SH3TC1: variants seen among roughly 807,000 people sequenced by gnomAD.
SH3TC1 encodes SH3 domain and tetratricopeptide repeats 1.
Under a neutral mutation model 117.3 loss-of-function variants are expected in SH3TC1, and 135 were observed. The observed-to-expected ratio is 1.15, with a 90% CI of 1.00 to 1.33. SH3TC1 has a LOEUF of 1.33. SH3TC1 is among the 40% of genes most tolerant of loss of function. The pLI is 0.00. For synonymous variants in SH3TC1, 898 were observed against 816.9 expected (o/e 1.10, Z -1.69); for missense variants, 2,092 against 1,794.3 (o/e 1.17, Z -3.00).
Position 8,216,264 on chromosome 4 carries a change from G to A in SH3TC1, c.628+7G>A, listed in dbSNP as rs183071768. Reference sequence around the variant, plus strand: ...AGCCTCCTCATCCAAGAAGGTGAGCGTTGCATGGGGTGATGGCCGAGATCC... The same window carrying A: ...AGCCTCCTCATCCAAGAAGGTGAGCATTGCATGGGGTGATGGCCGAGATCC... On this transcript the variant is annotated splice_region_variant and intron_variant, in intron 6 of 17. Coordinates refer to ENST00000245105, the MANE Select transcript of SH3TC1 (RefSeq NM_018986.5). 1.3e-4 allele frequency: 206 copies of A among 1,611,754 alleles called. 1 individual carries two copies. In the African/African-American group the frequency reaches 1.7e-3, roughly 14 times the overall value.
In SH3TC1 at chr4:8,227,060, TGCCCAGGCTGCCCCCAGGAGCCAGC is replaced by T; in HGVS notation, c.1368_1392del (p.Cys459ValfsTer9). 1 of 1,606,880 alleles carries T rather than the reference TGCCCAGGCTGCCCCCAGGAGCCAGC, an allele frequency of 6.2e-7. No homozygotes were observed. The highest frequency in any genetic ancestry group is 1.1e-5 in the South Asian group (1 of 90,418). ...GAATGTTCTGGAACAATGCAAGACCTGCCCAGGCTGCCCCCAGGAGCCAGCGTCCTGGGGTCTCTGTGCGGCATCC... is the reference window on the plus strand; with the variant it reads ...GAATGTTCTGGAACAATGCAAGACCTGTCCTGGGGTCTCTGTGCGGCATCC... On this transcript the variant is annotated frameshift_variant, in exon 12 of 18. Transcript: ENST00000245105. LOFTEE classifies it high-confidence loss of function.
chr4:8,184,464 C>G (rs537791291), intron 1 of SH3TC1, among the ~76,000 whole-genome samples: 1 of 152,220 alleles, frequency 6.6e-6, no homozygotes, highest in Non-Finnish European at 1.5e-5. Context: ...ACTGCAGCCT[C>G]GACCTCCCTG....
At chr4:8,196,752 G>A (rs1011402113), upstream of SH3TC1, among the ~76,000 whole-genome samples, 2 of 152,114 alleles carry the variant, frequency 1.3e-5, no homozygotes, top group Non-Finnish European at 2.9e-5. This position sits in a 1 kb window ranked among gnomAD's most constrained non-coding sequence, Gnocchi z 4.6. Flanking sequence ...GCTGGCAGGT[G>A]TCTGCAAGGA....
At position 8,236,442 on chromosome 4, in the gene SH3TC1, G is replaced by A; in HGVS notation, c.3556+14G>A. 2 of 1,431,064 alleles carry A rather than the reference G, an allele frequency of 1.4e-6. No individual in the cohort carries two copies. The highest frequency in any genetic ancestry group is 1.8e-6 in the Non-Finnish European group (2 of 1,084,122). 88.6% of individuals were successfully genotyped at this position (1,431,064 alleles called of 1,614,324 possible). A position where few individuals can be genotyped will look rare whatever the true frequency, so the allele number is the denominator to read the frequency against. On this transcript the variant is annotated intron_variant, in intron 16 of 17. Coordinates refer to ENST00000245105, the MANE Select transcript of SH3TC1 (RefSeq NM_018986.5). ...GCATCACCCTGGGTAAGCCCCCTGA[G>A]CCCCTGCCCTGCCAGGACCCACACT...
At chr4:8,222,361 GTTTTTTTTTTTTTT>G (rs5856006) in intron 9 of SH3TC1, among the ~76,000 whole-genome samples, 187 of 40,328 alleles carry the variant, frequency 4.6e-3, no homozygotes, top group African/African-American at 0.017. Context: ...TCAGGATCTG[GTTTTTTTTTTTTTT>G]TTTTTTTTTT....
In SH3TC1 at chr4:8,217,108, C is replaced by A. The variant is rs771953645; in HGVS notation, c.780C>A (p.Ser260Arg). The stretch of plus-strand genomic sequence containing the variant: ...CAGACTCTTCACCGCCGAGCCCCAG[C>A]GTGTCCTCCGAGGAGGTGGCAGTGG... Reference protein sequence around the residue: ...PETDSSPPSPSVSSEEVAVAA... With the variant: ...PETDSSPPSPRVSSEEVAVAA... Residue 260 changes from serine to arginine, a missense_variant, in exon 7 of 18, where the codon AGC becomes AGA. Ser to Arg is a moderately radical substitution (Grantham distance 110, BLOSUM62 -1). Coordinates refer to ENST00000245105, the MANE Select transcript of SH3TC1 (RefSeq NM_018986.5). The A allele has an allele frequency of 1.9e-6, 3 of 1,613,528 alleles. No individual in the cohort carries two copies. The highest frequency in any genetic ancestry group is 2.2e-5 in the East Asian group (1 of 44,894).
At position 8,228,163 on chromosome 4, in the gene SH3TC1, C is replaced by T. The variant is rs373685744; in HGVS notation, c.2469C>T (p.Ala823=). ...VEASAIAGVR[A]IVDHLVALAW... is the part of the protein sequence containing the mutation. ...CCAGTGCTATTGCCGGAGTCCGTGC[C>T]ATCGTGGACCACCTGGTGGCCCTGG... The change falls in exon 12 of 18, where the codon GCC becomes GCT. Residue 823 remains alanine, a synonymous_variant. Coordinates refer to ENST00000245105, the MANE Select transcript of SH3TC1 (RefSeq NM_018986.5). 6 of 1,611,914 alleles carry T rather than the reference C, an allele frequency of 3.7e-6. No homozygotes were observed. Among genetic ancestry groups the T allele is most frequent in the Non-Finnish European group, 5.1e-6 (6 of 1,179,170 alleles).
At position 8,212,691 on chromosome 4, in the gene SH3TC1, G is replaced by T. The variant is rs1457620913; in HGVS notation, c.248-10G>T. ...CAGACCAACTGCCCAACCTCCGTCT[G>T]CCCCTCCAGACCTGACCCTGCAGCT... On this transcript the variant is annotated splice_polypyrimidine_tract_variant and intron_variant, in intron 3 of 17. Transcript: ENST00000245105. The T allele has an allele frequency of 6.2e-7, 1 of 1,612,814 alleles. No individual in the cohort carries two copies. Among genetic ancestry groups the T allele is most frequent in the Non-Finnish European group, 8.5e-7 (1 of 1,179,910 alleles).
rs79152812 is a variant in SH3TC1 at position 8,236,431 on chromosome 4, A to G, written c.3556+3A>G. ...CCTAGCACTCAGCATCACCCTGGGT[A>G]AGCCCCCTGAGCCCCTGCCCTGCCA... On this transcript the variant is annotated splice_donor_region_variant and intron_variant, in intron 16 of 17. Coordinates refer to ENST00000245105, the MANE Select transcript of SH3TC1 (RefSeq NM_018986.5). The G allele has an allele frequency of 3.6e-3, 5,293 of 1,455,434 alleles. 156 individuals carry two copies. The African/African-American group carries it at 0.069, about 19-fold the overall frequency. The allele number at this position is 1,455,434 out of a possible 1,614,324, so 90.2% of individuals were successfully genotyped here.
chr4:8,216,063 C>T (rs771157387), intron 5 of SH3TC1, 48 bp from the exon 6 acceptor site: 1 of 1,603,768 alleles, frequency 6.2e-7, no homozygotes, highest in Non-Finnish European at 8.5e-7. Context: ...TCCCTGCCTC[C>T]CTGCCCCTCT....
chr4:8,235,433 G>T lies in SH3TC1; in HGVS notation c.3283G>T (p.Val1095Leu), dbSNP rs780989980. ...QSELVDLYIQ[V>L]AQNVALYTGD... ...TGAGGGAACTTCTGCCTCCTTTCAGGTGGCACAGAACGTGGCCCTGTACAC... is the reference window on the plus strand; with the variant it reads ...TGAGGGAACTTCTGCCTCCTTTCAGTTGGCACAGAACGTGGCCCTGTACAC... Residue 1095 changes from valine (V) to leucine (L), a missense_variant and splice_region_variant, in exon 15 of 18, where the codon GTG becomes TTG. Coordinates refer to ENST00000245105, the MANE Select transcript of SH3TC1 (RefSeq NM_018986.5). The T allele has an allele frequency of 1.9e-5, 29 of 1,506,354 alleles. No individual in the cohort carries two copies. The South Asian group carries it at 3.8e-4, about 20-fold the overall frequency. The allele number at this position is 1,506,354 out of a possible 1,614,324, so 93.3% of individuals were successfully genotyped here.
rs1718866841 is a variant in SH3TC1 at position 8,212,764 on chromosome 4, A to C, written c.311A>C (p.Gln104Pro). 4 of 1,612,398 alleles carry C rather than the reference A, an allele frequency of 2.5e-6. No individual in the cohort carries two copies. Among genetic ancestry groups the C allele is most frequent in the Non-Finnish European group, 3.4e-6 (4 of 1,179,746 alleles). The change falls in exon 4 of 18, where the codon CAG becomes CCG. Residue 104 changes from glutamine (Q) to proline (P), a missense_variant. Coordinates refer to ENST00000245105, the MANE Select transcript of SH3TC1 (RefSeq NM_018986.5). ...AGACTGCGGGACCCCGGCCTACAGCAGACCCTCCGGGGCCAGCTCCGCCTG... is the reference window on the plus strand; with the variant it reads ...AGACTGCGGGACCCCGGCCTACAGCCGACCCTCCGGGGCCAGCTCCGCCTG... ...KSRLRDPGLQ[Q>P]TLRGQLRLLE...
chr4:8,208,302 A>G (rs959143004), intron 2 of SH3TC1, among the ~76,000 whole-genome samples: 1 of 151,994 alleles, frequency 6.6e-6, no homozygotes, highest in African/African-American at 2.4e-5. Context: ...TACCGCTGTC[A>G]GGTGCATCGG....
At chr4:8,216,865 C>A in intron 6 of SH3TC1, 92 bp from the exon 7 acceptor site, 1 of 1,338,440 alleles carries the variant, frequency 7.5e-7, no homozygotes, top group Non-Finnish European at 1.1e-6. Context: ...GTGGGTGTTG[C>A]CTTCGTTGTC....
intron 10 of SH3TC1, chr4:8,224,464 G>C (rs1015933001): frequency 4.6e-5 from 7 of 152,400 alleles, no homozygotes; most frequent in African/African-American, 1.7e-4. Flanking sequence ...CAGGGTGCAG[G>C]TGTCATAAGT....
chr4:8,193,669 C>A (rs560497619), intron 1 of SH3TC1, among the ~76,000 whole-genome samples: 1 of 152,238 alleles, frequency 6.6e-6, no homozygotes, highest in African/African-American at 2.4e-5. Context: ...AGCAGCCAAA[C>A]CATGGGACAG....
chr4:8,223,060 C>T, intron 10 of SH3TC1, 90 bp downstream of exon 10: 1 of 1,497,260 alleles, frequency 6.7e-7, no homozygotes, highest in Non-Finnish European at 9.0e-7. Flanking sequence ...CAGATAGTGC[C>T]AGCCCCTGGA....
Position 8,216,400 on chromosome 4 carries a change from C to G in SH3TC1, c.628+143C>G. The G allele has an allele frequency of 6.2e-6, 8 of 1,299,424 alleles. No homozygotes were observed. The South Asian group carries it at 7.5e-5, about 12-fold the overall frequency. The allele number at this position is 1,299,424 out of a possible 1,614,324, so 80.5% of individuals were successfully genotyped here. A position where few individuals can be genotyped will look rare whatever the true frequency, so the allele number is the denominator to read the frequency against. Reference sequence around the variant, plus strand: ...TCTGGAGGCTGAGGGGTGCTTCAGGCAGGGAGGTGTGCTTGGTGTGGCACT... The same window carrying G: ...TCTGGAGGCTGAGGGGTGCTTCAGGGAGGGAGGTGTGCTTGGTGTGGCACT... On this transcript the variant is annotated intron_variant, in intron 6 of 17. Transcript: ENST00000245105.
intron 12 of SH3TC1, chr4:8,231,717 A>C: frequency 1.9e-6 from 1 of 513,782 alleles, no homozygotes; most frequent in Non-Finnish European, 3.4e-6. Flanking sequence ...GGGCTTTGTG[A>C]AGCAGAAATA....
Sources: allele counts gnomAD v4.1 joint callset (sites outside exome capture counted in the v4.1 genomes callset), GRCh38; gene constraint gnomAD v4.1.1; non-coding constraint Gnocchi (gnomAD v3.1); transcripts MANE v1.5; gene names NCBI Gene and HGNC (gene_info 2026-07-23, HGNC 2026-07-21).